The following SPIB variants were observed in gnomAD, a reference collection of about 807,000 sequenced individuals.
SPIB encodes the protein Spi-B transcription factor, also known as transcription factor Spi-B.
Under a neutral mutation model 31.9 loss-of-function variants are expected in SPIB, and 7 were observed. That is an observed-to-expected ratio of 0.22 (90% CI 0.12 to 0.41). The LOEUF is 0.41. Ranked by LOEUF, SPIB falls within the 10% of genes least tolerant of loss-of-function variation. The pLI, the probability that SPIB is intolerant of heterozygous loss-of-function variation, is 1.00. For missense variants in SPIB, 327 were observed against 360.2 expected (o/e 0.91, Z 0.75); for synonymous variants, 176 against 158.9 (o/e 1.11, Z -0.81).
intron 5 of SPIB, among the ~76,000 whole-genome samples, chr19:50,426,701 G>A (rs1441866635): frequency 6.6e-6 from 1 of 151,926 alleles, no homozygotes; most frequent in Non-Finnish European, 1.5e-5. Context: ...CATCATGTTG[G>A]CCAGGCTTGT....
chr19:50,420,148 C>G (rs981698637), intron 2 of SPIB, among the ~76,000 whole-genome samples, 175 bp downstream of exon 2: 2 of 152,364 alleles, frequency 1.3e-5, no homozygotes, highest in Admixed American at 6.5e-5. Context: ...CTCTCTCCCC[C>G]TCTCAGGCTT....
At chr19:50,423,515 AGC>A (rs1350991921) in intron 4 of SPIB, 88 bp from the exon 5 acceptor site, 3 of 1,526,748 alleles carry the variant, frequency 2.0e-6, no homozygotes, top group East Asian at 2.3e-5. Context: ...GGGAGACCAG[AGC>A]CAGGAGGGCC....
At chr19:50,422,181 C>T (rs564957005) in intron 2 of SPIB, among the ~76,000 whole-genome samples, 44 of 152,324 alleles carry the variant, frequency 2.9e-4, no homozygotes, top group African/African-American at 9.6e-4. Context: ...CTCCAGGCGC[C>T]CTGATTCGCT....
rs1263580348 is a variant in SPIB, at chr19:50,424,445, G to A, written c.490+690G>A. Among the ~76,000 whole-genome samples the A allele has an allele frequency of 3.3e-5, 5 of 152,096 alleles. 1 individual carries two copies. Among genetic ancestry groups the A allele is most frequent in the Admixed American group, 6.5e-5 (1 of 15,270 alleles). ...TCAGATCAACTGAGGTCAGGAGTTC[G>A]AGACCAGCCTGGCCAACATGGCAAA... On this transcript the variant is annotated intron_variant, in intron 5 of 5. Transcript: ENST00000595883.
Position 50,423,277 on chromosome 19 carries a change from G to A in SPIB, c.339+240G>A, listed in dbSNP as rs188602723. On this transcript the variant is annotated intron_variant, in intron 4 of 5. Coordinates refer to ENST00000595883, the MANE Select transcript of SPIB (RefSeq NM_003121.5). ...ATTTGGTTGAGGTTTGCTGGGTGCC[G>A]GGCACTGCATTGAGACTGCACATAG... 1.4e-3 allele frequency: 691 copies of A among 476,658 alleles called. 9 individuals carry two copies. Among genetic ancestry groups the A allele is most frequent in the African/African-American group, 0.012 (610 of 50,794 alleles). 29.5% of individuals were successfully genotyped at this position (476,658 alleles called of 1,614,324 possible). A position where few individuals can be genotyped will look rare whatever the true frequency, so the allele number is the denominator to read the frequency against.
chr19:50,428,269 G>T lies in SPIB; in HGVS notation c.722G>T (p.Arg241Leu), dbSNP rs769043111. The T allele has an allele frequency of 2.1e-5, 33 of 1,552,150 alleles. No homozygotes were observed. The highest frequency in any genetic ancestry group is 2.8e-5 in the Non-Finnish European group (32 of 1,147,404). ...AACTACGCCAAGACCGGCGAGATCC[G>T]CAAGGTCAAGCGCAAGCTCACCTAC... Reference protein sequence around the residue: ...LRNYAKTGEIRKVKRKLTYQF... With the variant: ...LRNYAKTGEILKVKRKLTYQF... Residue 241 changes from arginine to leucine, a missense_variant, in exon 6 of 6, where the codon CGC (arginine) becomes CTC (leucine). By Grantham distance (102) the Arg-to-Leu change is moderately radical (BLOSUM62 -2). Transcript: ENST00000595883. The surrounding 1 kb of genome is among the most constrained non-coding windows in gnomAD (Gnocchi z 6.5).
Position 50,423,742 on chromosome 19 carries a change from G to A in SPIB, c.477G>A (p.Lys159=), listed in dbSNP as rs1178923116. Residue 159 remains lysine (K), a synonymous_variant, in exon 5 of 6, where the codon AAG becomes AAA. Coordinates refer to ENST00000595883, the MANE Select transcript of SPIB (RefSeq NM_003121.5). Reference sequence around the variant, plus strand: ...CCCTCGTGGCTGGCCCCGAGGGGAAGGGATCCGAGGCAGGTATGCGGGAGT... The same window carrying A: ...CCCTCGTGGCTGGCCCCGAGGGGAAAGGATCCGAGGCAGGTATGCGGGAGT... ...DEALVAGPEG[K]GSEAGTRKKL... 4.4e-6 allele frequency: 7 copies of A among 1,608,866 alleles called. No homozygotes were observed. Among genetic ancestry groups the A allele is most frequent in the Non-Finnish European group, 5.9e-6 (7 of 1,177,902 alleles).
chr19:50,426,876 T>G (rs2122555675), intron 5 of SPIB, among the ~76,000 whole-genome samples: 1 of 151,996 alleles, frequency 6.6e-6, no homozygotes, highest in East Asian at 1.9e-4. Flanking sequence ...ACACCTGTAA[T>G]CCCAGCATTT....
At chr19:50,424,919 A>C (rs564815104) in intron 5 of SPIB, among the ~76,000 whole-genome samples, 1 of 151,892 alleles carries the variant, frequency 6.6e-6, no homozygotes, top group Non-Finnish European at 1.5e-5. Context: ...AGATTGCACC[A>C]CTGGACTCCA....
At chr19:50,422,348 TA>T in intron 2 of SPIB, 124 bp from the exon 3 acceptor site, 1 of 708,878 alleles carries the variant, frequency 1.4e-6, no homozygotes, top group Non-Finnish European at 2.4e-6. Context: ...TTTGTTGCTC[TA>T]ATCTCTCCAG....
At chr19:50,422,771 G>C (rs1212978438) in intron 3 of SPIB, 52 bp from the exon 4 acceptor site, 2 of 1,273,388 alleles carry the variant, frequency 1.6e-6, no homozygotes, top group Non-Finnish European at 1.1e-6. Context: ...CTTCGACTGC[G>C]AGGAGGCCTC....
Position 50,425,502 on chromosome 19 carries a change from G to A in SPIB, c.490+1747G>A, listed in dbSNP as rs182834798. Among the ~76,000 whole-genome samples the A allele has an allele frequency of 3.7e-4, 56 of 152,048 alleles. 1 individual carries two copies. The highest frequency in any genetic ancestry group is 1.1e-3 in the Admixed American group (17 of 15,262). On this transcript the variant is annotated intron_variant, in intron 5 of 5. Transcript: ENST00000595883. ...GTCACCCAGGCTGAAGCGCAGTGGC[G>A]CAATCTCGGCTCACTACTGCCTCAA...
At chr19:50,420,047 G>GCCTCAGTTTCCCCTC in intron 2 of SPIB, 74 bp downstream of exon 2, 1 of 1,303,198 alleles carries the variant, frequency 7.7e-7, no homozygotes, top group Non-Finnish European at 1.0e-6. Flanking sequence ...TTTGCTTCCT[G>GCCTCAGTTTCCCCTC]CCTCAGTTTC....
intron 5 of SPIB, among the ~76,000 whole-genome samples, chr19:50,424,384 C>T (rs62116062): frequency 0.076 from 11,514 of 152,230 alleles, 529 homozygotes; most frequent in South Asian, 0.18. Context: ...TGGTGGCTCA[C>T]GCCTGTAATC....
At chr19:50,419,009 C>T (rs966560350) in intron 1 of SPIB, 24 bp downstream of exon 1, 48 of 1,550,890 alleles carry the variant, frequency 3.1e-5, no homozygotes, top group Non-Finnish European at 3.9e-5. Flanking sequence ...CCCAAACCTG[C>T]ACCCGGGGTC....
Position 50,428,322 on chromosome 19 carries a change from G to A in SPIB, c.775G>A (p.Val259Ile), listed in dbSNP as rs1385878913. 6.5e-7 allele frequency: 1 copy of A among 1,548,052 alleles called. No homozygotes were observed. Among genetic ancestry groups the A allele is most frequent in the East Asian group, 2.4e-5 (1 of 40,876 alleles). The change falls in exon 6 of 6, where the codon GTC (valine) becomes ATC (isoleucine). Residue 259 changes from valine to isoleucine, a missense_variant. Physicochemically the swap from Val to Ile is conservative, Grantham distance 29. Transcript: ENST00000595883. The surrounding 1 kb of genome is among the most constrained non-coding windows in gnomAD (Gnocchi z 6.5). ...GTTCGACAGCGCGCTGCTGCCTGCA[G>A]TCCGCCGGGCCTGAGCACACCCGAG... ...YQFDSALLPA[V>I]RRA
chr19:50,424,578 C>A (rs928835614), intron 5 of SPIB, among the ~76,000 whole-genome samples: 2 of 152,044 alleles, frequency 1.3e-5, no homozygotes, highest in African/African-American at 4.8e-5. Flanking sequence ...GTCAAGAGAT[C>A]GAGACCATCC....
At position 50,428,351 on chromosome 19, in the gene SPIB, C is replaced by T; in HGVS notation, c.*15C>T. On this transcript the variant is annotated 3_prime_UTR_variant, in exon 6 of 6. Coordinates refer to ENST00000595883, the MANE Select transcript of SPIB (RefSeq NM_003121.5). This position sits in a 1 kb window ranked among gnomAD's most constrained non-coding sequence, Gnocchi z 6.5. ...GCCGGGCCTGAGCACACCCGAGGCTCCCACCTGCGGAGCCGCTGGGGGACC... is the reference window on the plus strand; with the variant it reads ...GCCGGGCCTGAGCACACCCGAGGCTTCCACCTGCGGAGCCGCTGGGGGACC... The T allele has an allele frequency of 2.0e-6, 3 of 1,526,220 alleles. No homozygotes were observed. The East Asian group carries it at 7.4e-5, about 38-fold the overall frequency. 94.5% of individuals were successfully genotyped at this position (1,526,220 alleles called of 1,614,324 possible).
At chr19:50,419,807 G>A in intron 1 of SPIB, 139 bp from the exon 2 acceptor site, 2 of 800,560 alleles carry the variant, frequency 2.5e-6, no homozygotes, top group Non-Finnish European at 3.7e-6. Flanking sequence ...GGGGAGTCCG[G>A]TGAATGTGGT....
Sources: gnomAD v4.1 joint callset for allele counts (sites outside exome capture counted in the v4.1 genomes callset) on GRCh38, gnomAD v4.1.1 for gene constraint, Gnocchi (gnomAD v3.1) non-coding constraint, MANE v1.5 for transcripts, NCBI Gene and HGNC (gene_info 2026-07-23, HGNC 2026-07-21) for gene names.